C4BPA: variants seen among roughly 807,000 people sequenced by gnomAD.
C4BPA encodes complement component 4 binding protein alpha, also known as C4b-binding protein alpha chain.
Under a neutral mutation model 63.7 loss-of-function variants are expected in C4BPA, and 31 were observed. The ratio of observed to expected loss-of-function variants is 0.49; its 90% CI spans 0.37 to 0.66. The LOEUF (loss-of-function observed/expected upper bound fraction) is 0.66. Ranked by LOEUF, C4BPA falls within the 30% of genes least tolerant of loss-of-function variation. C4BPA has a pLI of 0.00. For missense variants in C4BPA, 572 were observed against 723.3 expected (o/e 0.79, Z 2.40); for synonymous variants, 259 against 254.7 (o/e 1.02, Z -0.16).
rs532053467 is a variant in C4BPA at position 207,137,099 on chromosome 1, C to T, written c.1273+2507C>T. On this transcript the variant is annotated intron_variant, in intron 9 of 11. Transcript: ENST00000367070. ...CTTTGGCCACTTCTTCAGACTTTAC[C>T]CTCTTGGGAAGATCCCCATGTATGT... Among the ~76,000 whole-genome samples, 3 of 152,280 alleles carry T rather than the reference C, an allele frequency of 2.0e-5. No homozygotes were observed. The East Asian group carries it at 5.8e-4, about 29-fold the overall frequency.
In C4BPA at chr1:207,131,626, G is replaced by T. The variant is rs574271213; in HGVS notation, c.970G>T (p.Val324Phe). ...PRPTKEDVYV[V>F]GTVLRYRCHP... ...GCCGACAAAAGAGGATGTGTATGTT[G>T]TTGGGACTGTGTTAAGGTACCGCTG... Residue 324 changes from valine to phenylalanine, a missense_variant, in exon 8 of 12, where the codon GTT becomes TTT. Coordinates refer to ENST00000367070, the MANE Select transcript of C4BPA (RefSeq NM_000715.4). 2.6e-5 allele frequency: 42 copies of T among 1,613,516 alleles called. No homozygotes were observed. The South Asian group carries it at 4.6e-4, about 18-fold the overall frequency.
chr1:207,105,252 G>A (rs1452202375), intron 1 of C4BPA, among the ~76,000 whole-genome samples: 1 of 151,992 alleles, frequency 6.6e-6, no homozygotes, highest in African/African-American at 2.4e-5. Context: ...GAATAAAGGG[G>A]CTGATAGAAA....
At chr1:207,130,710 G>A (rs1391487606) in intron 7 of C4BPA, among the ~76,000 whole-genome samples, 5 of 152,234 alleles carry the variant, frequency 3.3e-5, no homozygotes, top group Middle Eastern at 3.4e-3. Context: ...AAAAGTACAT[G>A]TATTGTGTGA....
At chr1:207,129,808 T>C (rs1313361295) in intron 7 of C4BPA, among the ~76,000 whole-genome samples, 2 of 152,312 alleles carry the variant, frequency 1.3e-5, no homozygotes, top group South Asian at 2.1e-4. Flanking sequence ...TCTTTTATAG[T>C]AGCTGAGAGA....
chr1:207,131,451 C>A, intron 7 of C4BPA, 95 bp from the exon 8 acceptor site: 1 of 811,442 alleles, frequency 1.2e-6, no homozygotes, highest in Non-Finnish European at 2.0e-6. Flanking sequence ...GCTGAATGAA[C>A]GTATGACCCC....
In C4BPA at chr1:207,121,534, CAG is replaced by C. The variant is rs562869608; in HGVS notation, c.429-2385_429-2384del. Among the ~76,000 whole-genome samples the C allele has an allele frequency of 1.1e-4, 16 of 152,100 alleles. 1 individual carries two copies. The South Asian group carries it at 3.3e-3, about 32-fold the overall frequency. ...TTTTAGGTTTGTCTCCTGTATATAA[CAG>C]AGCTGAATTTTCTCCAATTAAAAGC... On this transcript the variant is annotated intron_variant, in intron 4 of 11. Coordinates refer to ENST00000367070, the MANE Select transcript of C4BPA (RefSeq NM_000715.4).
chr1:207,107,313 C>T (rs968948527), intron 1 of C4BPA, among the ~76,000 whole-genome samples: 5 of 152,084 alleles, frequency 3.3e-5, no homozygotes, highest in African/African-American at 7.2e-5. Context: ...TTTGGGAGGC[C>T]GAGGTGGGAG....
intron 3 of C4BPA, chr1:207,114,638 C>T (rs577947358): frequency 4.4e-6 from 1 of 228,570 alleles, no homozygotes; most frequent in Non-Finnish European, 8.5e-6. Context: ...GAATTACAGG[C>T]GTGCACCACC....
chr1:207,113,030 A>C lies in C4BPA; in HGVS notation c.5A>C (p.His2Pro). The C allele has an allele frequency of 1.9e-6, 3 of 1,592,402 alleles. No homozygotes were observed. Among genetic ancestry groups the C allele is most frequent in the Non-Finnish European group, 2.6e-6 (3 of 1,173,616 alleles). M[H>P]PPKTPSGALH... ...ACATCAGCGAAGCAGCAGGCCATGC[A>C]CCCCCCAAAAACTCCATCTGGGGCT... is the stretch of plus-strand genomic sequence containing the variant. The change falls in exon 2 of 12, where the codon CAC becomes CCC. Residue 2 changes from histidine (H) to proline (P), a missense_variant. By Grantham distance (77) the His-to-Pro change is moderately conservative. Coordinates refer to ENST00000367070, the MANE Select transcript of C4BPA (RefSeq NM_000715.4).
Position 207,123,922 on chromosome 1 carries a change from A to G in C4BPA, c.429A>G (p.Gly143=), listed in dbSNP as rs972920982. 3 of 1,596,740 alleles carry G rather than the reference A, an allele frequency of 1.9e-6. No homozygotes were observed. The African/African-American group carries it at 4.0e-5, about 21-fold the overall frequency. The change falls in exon 5 of 12, where the codon GGA becomes GGG. Residue 143 remains glycine (G), a splice_region_variant and synonymous_variant. Transcript: ENST00000367070. ...AAAATCTTTGATCTATCTTATTCAG[A>G]TTTTTCTTAATTGGCTCAACCACTA... is the stretch of plus-strand genomic sequence containing the variant. The part of the protein sequence containing the change: ...GSQIEFSCSE[G]FFLIGSTTSR...
chr1:207,112,526 T>C (rs1422802803), intron 1 of C4BPA, among the ~76,000 whole-genome samples: 4 of 152,150 alleles, frequency 2.6e-5, no homozygotes. Context: ...AATAATTATG[T>C]CATTCCTCAG....
chr1:207,142,159 A>G (rs1305525399), intron 10 of C4BPA, among the ~76,000 whole-genome samples: 1,227 of 103,038 alleles, frequency 0.012, no homozygotes, highest in African/African-American at 0.013. Context: ...TATGAGTGAG[A>G]ACATGCAGTG....
chr1:207,118,165 G>GTCTATCTATA (rs1684844414), intron 4 of C4BPA, among the ~76,000 whole-genome samples: 10 of 77,142 alleles, frequency 1.3e-4, no homozygotes, highest in African/African-American at 4.1e-4. Context: ...CTGTCTGTCT[G>GTCTATCTATA]TCTATCTATC....
At chr1:207,132,347 G>A (rs371068217) in intron 8 of C4BPA, among the ~76,000 whole-genome samples, 1 of 152,210 alleles carries the variant, frequency 6.6e-6, no homozygotes, top group Non-Finnish European at 1.5e-5. Context: ...ACGACAAGTG[G>A]ATACTATATT....
At chr1:207,128,940 G>GT (rs1685105099) in intron 7 of C4BPA, among the ~76,000 whole-genome samples, 1 of 152,068 alleles carries the variant, frequency 6.6e-6, no homozygotes. Context: ...AATAGAAACT[G>GT]TTTTTGAGGG....
chr1:207,143,735 C>G, intron 10 of C4BPA, 83 bp from the exon 11 acceptor site: 1 of 924,742 alleles, frequency 1.1e-6, no homozygotes, highest in Non-Finnish European at 1.7e-6. Flanking sequence ...GAACTAAATA[C>G]AGTTCATTCT....
At chr1:207,111,368 G>A (rs897800817) in intron 1 of C4BPA, among the ~76,000 whole-genome samples, 5 of 152,196 alleles carry the variant, frequency 3.3e-5, no homozygotes, top group South Asian at 2.1e-4. Flanking sequence ...TAAATTGCTC[G>A]TTAGGTGAAT....
intron 6 of C4BPA, 58 bp downstream of exon 6, chr1:207,124,424 A>C: frequency 7.5e-7 from 1 of 1,331,790 alleles, no homozygotes; most frequent in South Asian, 1.3e-5. Context: ...TTTAAAAGAG[A>C]AAGAAAGGTA....
At chr1:207,109,134 A>G (rs1391051746) in intron 1 of C4BPA, among the ~76,000 whole-genome samples, 1 of 152,204 alleles carries the variant, frequency 6.6e-6, no homozygotes, top group African/African-American at 2.4e-5. Context: ...AGGCCCCAGC[A>G]TTCCTCTGCT....
Sources: gnomAD v4.1 joint callset for allele counts (sites outside exome capture counted in the v4.1 genomes callset) on GRCh38, gnomAD v4.1.1 for gene constraint, MANE v1.5 for transcripts, NCBI Gene and HGNC (gene_info 2026-07-23, HGNC 2026-07-21) for gene names.